FASN: variants seen among roughly 807,000 people sequenced by gnomAD.
FASN encodes 3-hydroxyacyl-[acyl-carrier-protein] dehydratase.
A neutral mutation model predicts 250.0 loss-of-function variants in FASN; 50 were observed. The ratio of observed to expected loss-of-function variants is 0.20; its 90% CI spans 0.16 to 0.25. The LOEUF (loss-of-function observed/expected upper bound fraction) is 0.25, where lower values mean the gene tolerates loss of function less well. Ranked by LOEUF, FASN falls within the 10% of genes least tolerant of loss-of-function variation. The probability of loss-of-function intolerance (pLI) is 1.00; values close to 1 mark genes in which losing one functional copy is unlikely to be tolerated. For missense variants in FASN, 3,031 were observed against 3,498.5 expected (o/e 0.87, Z 3.37); for synonymous variants, 1,909 against 1,584.0 (o/e 1.21, Z -4.87).
intron 1 of FASN, chr17:82,097,025 G>A (rs1053302804): frequency 9.7e-6 from 2 of 206,168 alleles, no homozygotes; most frequent in East Asian, 1.2e-4. Context: ...TGGGGTGGGG[G>A]CCCGCTGTCC....
chr17:82,095,285 G>C (rs771605039), intron 3 of FASN, 35 bp downstream of exon 3: 12 of 1,609,298 alleles, frequency 7.5e-6, no homozygotes, highest in Non-Finnish European at 1.0e-5. Flanking sequence ...AGCAGCAGGA[G>C]CCCTCGGCGC....
chr17:82,082,703 G>A (rs954268168), intron 33 of FASN, 25 bp from the exon 34 acceptor site: 4 of 1,604,836 alleles, frequency 2.5e-6, no homozygotes, highest in African/African-American at 1.3e-5. Context: ...ACTGTGGGCT[G>A]GACTGGGCCA....
chr17:82,079,900 G>T (rs777876836), intron 41 of FASN: 1 of 625,840 alleles, frequency 1.6e-6, no homozygotes, highest in Non-Finnish European at 2.8e-6. Context: ...TAGAGAAGGG[G>T]TTTCTCCACG....
At position 82,085,818 on chromosome 17, in the gene FASN, G is replaced by C; in HGVS notation, c.3786C>G (p.Pro1262=). Residue 1262 remains proline (P), a synonymous_variant, in exon 23 of 43, where the codon CCC becomes CCG. Coordinates refer to ENST00000306749, the MANE Select transcript of FASN (RefSeq NM_004104.5). ...TGTAGCTCAGCTGCAGCAGGGGATG[G>C]GGGCTGAGCAGGCCTGGGATGCGGG... The part of the protein sequence containing the change: ...LYSRIPGLLS[P]HPLLQLSYTA... 1 of 1,559,820 alleles carries C rather than the reference G, an allele frequency of 6.4e-7. No homozygotes were observed. Among genetic ancestry groups the C allele is most frequent in the East Asian group, 2.3e-5 (1 of 42,836 alleles).
intron 11 of FASN, 68 bp from the exon 12 acceptor site, chr17:82,089,794 G>A (rs1357197066): frequency 6.8e-6 from 9 of 1,328,826 alleles, no homozygotes; most frequent in South Asian, 1.3e-5. Context: ...CACCCACCCA[G>A]ACACTGCCTG....
chr17:82,096,238 C>A, intron 2 of FASN, 81 bp downstream of exon 2: 4 of 1,596,480 alleles, frequency 2.5e-6, no homozygotes, highest in Non-Finnish European at 3.4e-6. Flanking sequence ...GAGGACACAG[C>A]ACAGCAGGGA....
At chr17:82,095,689 C>T (rs1375134764) in intron 2 of FASN, among the ~76,000 whole-genome samples, 1 of 152,208 alleles carries the variant, frequency 6.6e-6, no homozygotes, top group Non-Finnish European at 1.5e-5. Context: ...GCCCCAAGCC[C>T]CAAGCCCCAA....
Position 82,091,673 on chromosome 17 carries a change from G to A in FASN, c.1041C>T (p.Ser347=). Reference sequence around the variant, plus strand: ...TGGGGGCCCAGAGCCCGTGCTCCAGGGACAGCAGCACCTGCGGGGGTACGT... The same window carrying A: ...TGGGGGCCCAGAGCCCGTGCTCCAGAGACAGCAGCACCTGCGGGGGTACGT... ...GLAALAKVLL[S]LEHGLWAPNL... Residue 347 remains serine (S), a synonymous_variant, in exon 9 of 43, where the codon TCC becomes TCT. Transcript: ENST00000306749. The A allele has an allele frequency of 6.3e-7, 1 of 1,584,764 alleles. No individual in the cohort carries two copies. Among genetic ancestry groups the A allele is most frequent in the South Asian group, 1.1e-5 (1 of 87,022 alleles).
intron 10 of FASN, 101 bp from the exon 11 acceptor site, chr17:82,090,665 C>T (rs937985083): frequency 2.4e-5 from 29 of 1,193,974 alleles, no homozygotes; most frequent in African/African-American, 6.1e-5. Context: ...CGCGCCCCAT[C>T]GACCCTCCCA....
In FASN at chr17:82,078,427, ACT is replaced by A. The variant is rs1053260504; in HGVS notation, c.*714_*715del. ...AATGAAACGGGGTCCAGACGTGTAC[ACT>A]GACAGTTACAGTAAATTTCAAAATC... On this transcript the variant is annotated 3_prime_UTR_variant, in exon 43 of 43. Coordinates refer to ENST00000306749, the MANE Select transcript of FASN (RefSeq NM_004104.5). This position sits in a 1 kb window ranked among gnomAD's most constrained non-coding sequence, Gnocchi z 5.4. The A allele has an allele frequency of 3.3e-5, 5 of 153,464 alleles. No individual in the cohort carries two copies. Among genetic ancestry groups the A allele is most frequent in the Non-Finnish European group, 7.2e-5 (5 of 69,024 alleles). 9.5% of individuals were successfully genotyped at this position (153,464 alleles called of 1,614,324 possible).
Position 82,082,083 on chromosome 17 carries a change from C to A in FASN, c.6089G>T (p.Gly2030Val). The change falls in exon 36 of 43, where the codon GGA becomes GTA. Residue 2030 changes from glycine to valine, a missense_variant. Transcript: ENST00000306749. ...SSVSCGRGNA[G>V]QSNYGFANSA... ...ATTGGCAAAGCCGTAGTTGCTCTGT[C>A]CCGCATTGCCACGCCCGCAGCTCAC... The A allele has an allele frequency of 6.2e-7, 1 of 1,609,948 alleles. No homozygotes were observed.
In FASN at chr17:82,081,337, G is replaced by C; in HGVS notation, c.6422C>G (p.Ala2141Gly). Reference sequence around the variant, plus strand: ...CAGTGAGCTGTCCAGGTTGACAGCAGCCAAGTCGCGGATGCCTGGAAGGGA... The same window carrying C: ...CAGTGAGCTGTCCAGGTTGACAGCACCCAAGTCGCGGATGCCTGGAAGGGA... The part of the protein sequence containing the change: ...VAHILGIRDL[A>G]AVNLDSSLAD... Residue 2141 changes from alanine to glycine, a missense_variant, in exon 38 of 43, where the codon GCT becomes GGT. Transcript: ENST00000306749. 6.4e-7 allele frequency: 1 copy of C among 1,558,394 alleles called. No individual in the cohort carries two copies. Among genetic ancestry groups the C allele is most frequent in the Non-Finnish European group, 8.7e-7 (1 of 1,151,862 alleles).
rs777141154 is a variant in FASN at position 82,084,907 on chromosome 17, C to T, written c.4456G>A (p.Val1486Met). 1 of 1,552,036 alleles carries T rather than the reference C, an allele frequency of 6.4e-7. No homozygotes were observed. Among genetic ancestry groups the T allele is most frequent in the East Asian group, 2.4e-5 (1 of 41,086 alleles). ...TGCAGTTCTGCGGAGCCCGGGTCCA[C>T]CTCCGGGACGTGGGAGGTGCTGCTG... ...NLSSTSHVPE[V>M]DPGSAELQKV... Residue 1486 changes from valine to methionine, a missense_variant, in exon 26 of 43, where the codon GTG becomes ATG. Physicochemically the swap from Val to Met is conservative, Grantham distance 21 (BLOSUM62 1). Coordinates refer to ENST00000306749, the MANE Select transcript of FASN (RefSeq NM_004104.5).
Position 82,093,399 on chromosome 17 carries a change from T to C in FASN, c.475A>G (p.Thr159Ala). 2 of 1,603,458 alleles carry C rather than the reference T, an allele frequency of 1.2e-6. No homozygotes were observed. Among genetic ancestry groups the C allele is most frequent in the Non-Finnish European group, 8.5e-7 (1 of 1,177,196 alleles). ...GCCATCAGGCTGGAGGAGCAGGCTG[T>C]GTCCAGTGCGATGCTGGGCCCTGCA... ...DFRGPSIALDTACSSSLMALQ... is the reference protein window; with the variant it reads ...DFRGPSIALDAACSSSLMALQ... The change falls in exon 5 of 43, where the codon ACA becomes GCA. Residue 159 changes from threonine to alanine, a missense_variant. Coordinates refer to ENST00000306749, the MANE Select transcript of FASN (RefSeq NM_004104.5).
At chr17:82,096,294 C>T (rs1262488237) in intron 2 of FASN, 25 bp downstream of exon 2, 1 of 1,610,600 alleles carries the variant, frequency 6.2e-7, no homozygotes, top group East Asian at 2.2e-5. Flanking sequence ...ACACCCCAGG[C>T]ACGGGGAGCC....
intron 18 of FASN, 30 bp downstream of exon 18, chr17:82,087,924 C>A (rs370079053): frequency 1.9e-6 from 3 of 1,612,124 alleles, no homozygotes. Context: ...GCACAGCCTC[C>A]GCAGCTCCCG....
In FASN at chr17:82,084,045, G is replaced by A; in HGVS notation, c.5028C>T (p.Gly1676=). 6.5e-7 allele frequency: 1 copy of A among 1,544,214 alleles called. No homozygotes were observed. Among genetic ancestry groups the A allele is most frequent in the East Asian group, 2.4e-5 (1 of 40,908 alleles). Residue 1676 remains glycine (G), a synonymous_variant, in exon 29 of 43, where the codon GGC becomes GGT. Coordinates refer to ENST00000306749, the MANE Select transcript of FASN (RefSeq NM_004104.5). ...TGGCGGCCTGGCCCACGCCGCCCGA[G>A]CCCGAGTGGATGAGCAGCGTCTCCC... ...RPGETLLIHS[G]SGGVGQAAIA...
At position 82,080,913 on chromosome 17, in the gene FASN, C is replaced by T. The variant is rs1284382784; in HGVS notation, c.6605G>A (p.Cys2202Tyr). 1.2e-6 allele frequency: 2 copies of T among 1,607,490 alleles called. No homozygotes were observed. The highest frequency in any genetic ancestry group is 1.7e-5 in the Admixed American group (1 of 59,230). The stretch of plus-strand genomic sequence containing the variant: ...CAGACCATCCTCCTTGGGCGTGGGG[C>T]ATGCCAGCTCTGTGAAGACAGGGGC... ...SKADEASELA[C>Y]PTPKEDGLAQ... Residue 2202 changes from cysteine to tyrosine, a missense_variant, in exon 39 of 43, where the codon TGC becomes TAC. Transcript: ENST00000306749.
At position 82,087,368 on chromosome 17, in the gene FASN, G is replaced by A. The variant is rs781026003; in HGVS notation, c.3180C>T (p.Ala1060=). Residue 1060 remains alanine (A), a synonymous_variant, in exon 20 of 43, where the codon GCC becomes GCT. Transcript: ENST00000306749. ...TRVTAIHIDP[A]THRQKLYTLQ... ...GTGTGTACAGCTTCTGCCTGTGGGTGGCAGGGTCGATGTGGATGGCGGTGA... is the reference window on the plus strand; with the variant it reads ...GTGTGTACAGCTTCTGCCTGTGGGTAGCAGGGTCGATGTGGATGGCGGTGA... 7 of 1,612,474 alleles carry A rather than the reference G, an allele frequency of 4.3e-6. No homozygotes were observed. Among genetic ancestry groups the A allele is most frequent in the Non-Finnish European group, 2.5e-6 (3 of 1,179,980 alleles).
Sources: allele counts gnomAD v4.1 joint callset (sites outside exome capture counted in the v4.1 genomes callset), GRCh38; gene constraint gnomAD v4.1.1; non-coding constraint Gnocchi (gnomAD v3.1); transcripts MANE v1.5; gene names NCBI Gene and HGNC (gene_info 2026-07-23, HGNC 2026-07-21).